The following RELN variants were observed in gnomAD, a reference collection of about 807,000 sequenced individuals.
The protein encoded by RELN is reelin.
RELN carries 108 observed loss-of-function variants against 427.6 expected under a neutral mutation model. The ratio of observed to expected loss-of-function variants is 0.25; its 90% confidence interval spans 0.22 to 0.30. The LOEUF (loss-of-function observed/expected upper bound fraction) is 0.30, where lower values mean the gene tolerates loss of function less well. Among genes scored for constraint, RELN ranks in the 10% least tolerant of loss-of-function variants. The pLI, the probability that RELN is intolerant of heterozygous loss-of-function variation, is 1.00. For synonymous variants in RELN, 1,524 were observed against 1,513.4 expected, an observed-to-expected ratio of 1.01 and a Z score of -0.16; for missense variants, 3,715 against 4,302.8, an observed-to-expected ratio of 0.86 and a Z score of 3.82.
At chr7:103,520,850 G>C (rs1782309728) in intron 48 of RELN, among the ~76,000 whole-genome samples, 1 of 149,798 alleles carries the variant, frequency 6.7e-6, no homozygotes, top group East Asian at 2.0e-4. Flanking sequence ...ATGCCTTCTT[G>C]CTACTCGAGC....
chr7:103,683,493 G>A (rs757471388), intron 10 of RELN, among the ~76,000 whole-genome samples: 5 of 152,082 alleles, frequency 3.3e-5, no homozygotes, highest in Admixed American at 1.3e-4. Flanking sequence ...ATGACAGACC[G>A]CATATACAAT....
At chr7:103,693,590 T>A (rs7783399) in intron 10 of RELN, among the ~76,000 whole-genome samples, 32,312 of 151,146 alleles carry the variant, frequency 0.21, 4,687 homozygotes, top group African/African-American at 0.41. Flanking sequence ...TAAAAAAAAT[T>A]AAAAAGAAAG....
intron 8 of RELN, among the ~76,000 whole-genome samples, chr7:103,711,331 G>A (rs1156950628): frequency 2.0e-5 from 3 of 152,116 alleles, no homozygotes; most frequent in South Asian, 2.1e-4. Context: ...AAGCTTCAAA[G>A]GTGGACCCAC....
At chr7:103,871,869 T>C (rs992109787) in intron 2 of RELN, among the ~76,000 whole-genome samples, 4 of 151,988 alleles carry the variant, frequency 2.6e-5, no homozygotes, top group Non-Finnish European at 4.4e-5. Context: ...TCTTTATTTC[T>C]GGAGACCTAC....
chr7:103,792,386 C>T (rs1017005098), intron 3 of RELN, among the ~76,000 whole-genome samples: 1 of 152,006 alleles, frequency 6.6e-6, no homozygotes, highest in African/African-American at 2.4e-5. Context: ...TATTATTCAA[C>T]CATAAATGGA....
intron 2 of RELN, among the ~76,000 whole-genome samples, chr7:103,843,960 C>T (rs1274704640): frequency 6.6e-6 from 1 of 152,148 alleles, no homozygotes; most frequent in African/African-American, 2.4e-5. Flanking sequence ...CTTCGCACTG[C>T]CTGCCCCCAG....
intron 1 of RELN, among the ~76,000 whole-genome samples, chr7:103,939,197 C>T (rs1328313714): frequency 6.6e-6 from 1 of 152,138 alleles, no homozygotes; most frequent in Non-Finnish European, 1.5e-5. Flanking sequence ...GATCGGCCCA[C>T]CTTGGCTTCC....
chr7:103,496,523 T>C lies in RELN; in HGVS notation c.9193+3A>G, dbSNP rs1379566204. ...GAAAATTGTTCAATGTCTTGTTTCT[T>C]ACCATCATCAAAAGTGTCCACCAAT... On this transcript the variant is annotated splice_donor_region_variant and intron_variant, in intron 56 of 64. Coordinates refer to ENST00000428762, the MANE Select transcript of RELN (RefSeq NM_005045.4). 6.2e-7 allele frequency: 1 copy of C among 1,614,150 alleles called. No homozygotes were observed. Among genetic ancestry groups the C allele is most frequent in the East Asian group, 2.2e-5 (1 of 44,884 alleles).
At chr7:103,920,571 TTTTTTTTG>T (rs1256803812) in intron 1 of RELN, among the ~76,000 whole-genome samples, 41 of 112,126 alleles carry the variant, frequency 3.7e-4, no homozygotes, top group African/African-American at 1.8e-3. Flanking sequence ...TCTTTGGTTT[TTTTTTTTG>T]TTTTTTTTTT....
chr7:103,972,302 C>G (rs1796779982), intron 1 of RELN, among the ~76,000 whole-genome samples: 1 of 152,146 alleles, frequency 6.6e-6, no homozygotes, highest in African/African-American at 2.4e-5. Context: ...CCATTCACGT[C>G]TGCATGCACG....
chr7:103,788,756 G>A (rs1394571212), intron 3 of RELN, among the ~76,000 whole-genome samples: 3 of 151,956 alleles, frequency 2.0e-5, no homozygotes, highest in Non-Finnish European at 4.4e-5. Flanking sequence ...AAAATATACT[G>A]CCCAAAGTAA....
intron 1 of RELN, among the ~76,000 whole-genome samples, chr7:103,987,363 G>A (rs7800855): frequency 0.22 from 34,223 of 152,154 alleles, 4,682 homozygotes; most frequent in Non-Finnish European, 0.31. Flanking sequence ...TGATTATGGT[G>A]AGTCTTAAGG....
intron 3 of RELN, among the ~76,000 whole-genome samples, chr7:103,796,168 C>A (rs906904615): frequency 6.6e-6 from 1 of 152,166 alleles, no homozygotes; most frequent in African/African-American, 2.4e-5. Context: ...TGTACTCAAG[C>A]ACTTATCCCT....
chr7:103,752,337 C>A lies in RELN; in HGVS notation c.577+845G>T, dbSNP rs534872883. Among the ~76,000 whole-genome samples, 64 of 152,244 alleles carry A rather than the reference C, an allele frequency of 4.2e-4. 1 individual carries two copies. The South Asian group carries it at 0.013, about 31-fold the overall frequency. The stretch of plus-strand genomic sequence containing the variant: ...TATACCCTGCCTCAAGAACTGTGGG[C>A]CACTAAGAGCATGACATTATGAAAA... On this transcript the variant is annotated intron_variant, in intron 5 of 64. Coordinates refer to ENST00000428762, the MANE Select transcript of RELN (RefSeq NM_005045.4).
chr7:103,796,721 C>T (rs377004258), intron 3 of RELN, among the ~76,000 whole-genome samples: 20 of 151,866 alleles, frequency 1.3e-4, no homozygotes, highest in Admixed American at 4.6e-4. Flanking sequence ...ATTAGGCAGG[C>T]GTGGTGGCAC....
At chr7:103,810,903 G>A (rs1792727151) in intron 3 of RELN, among the ~76,000 whole-genome samples, 2 of 152,100 alleles carry the variant, frequency 1.3e-5, no homozygotes, top group African/African-American at 4.8e-5. Context: ...TTTCCTTGCT[G>A]CATATTAAGC....
In RELN at chr7:103,486,204, G is replaced by C. The variant is rs751409835; in HGVS notation, c.9976C>G (p.Arg3326Gly). ...ATATGGAGGTTTGGGTACCTTGCTC[G>C]AGTGAGATCCAGAGGCTTGGTAGCT... ...QAATKPLDLTRASKIMFVLQI... is the reference protein window; with the variant it reads ...QAATKPLDLTGASKIMFVLQI... The change falls in exon 61 of 65, where the codon CGA becomes GGA. Residue 3326 changes from arginine to glycine, a missense_variant. Arg to Gly is a moderately radical substitution (Grantham distance 125). Around this residue, in one of 4 missense-constraint regions of RELN, gnomAD observed 195 missense variants for 281.3 expected, o/e 0.69. Coordinates refer to ENST00000428762, the MANE Select transcript of RELN (RefSeq NM_005045.4). 3 of 1,613,308 alleles carry C rather than the reference G, an allele frequency of 1.9e-6. No individual in the cohort carries two copies. The South Asian group carries it at 3.3e-5, about 18-fold the overall frequency.
chr7:103,575,534 G>A lies in RELN; in HGVS notation c.4303+14C>T. On this transcript the variant is annotated intron_variant, in intron 29 of 64. Transcript: ENST00000428762. ...TTTACAATAAAACCCTCAGACACAT[G>A]TATTTAGCCTTACCAGTATATCCCA... 6.2e-7 allele frequency: 1 copy of A among 1,613,004 alleles called. No homozygotes were observed. The highest frequency in any genetic ancestry group is 8.5e-7 in the Non-Finnish European group (1 of 1,178,948).
At chr7:103,747,319 CAACTT>C (rs1281168503) in intron 6 of RELN, among the ~76,000 whole-genome samples, 3 of 151,876 alleles carry the variant, frequency 2.0e-5, no homozygotes, top group African/African-American at 7.3e-5. Flanking sequence ...TGCTAAATGA[CAACTT>C]AACGGGTGCA....
Sources: gnomAD v4.1 joint callset for allele counts (sites outside exome capture counted in the v4.1 genomes callset) on GRCh38, gnomAD v4.1.1 for gene constraint, gnomAD v4.1.1 regional missense constraint, MANE v1.5 for transcripts, NCBI Gene and HGNC (gene_info 2026-07-23, HGNC 2026-07-21) for gene names.